The following DCC variants were observed in gnomAD, a reference collection of about 807,000 sequenced individuals.
The protein encoded by DCC is DCC netrin 1 receptor, also known as netrin receptor DCC.
DCC carries 58 observed loss-of-function variants against 172.5 expected under a neutral mutation model. That is an observed-to-expected ratio of 0.34 (90% CI 0.27 to 0.42). DCC has a LOEUF of 0.42. Among genes scored for constraint, DCC ranks in the 10% least tolerant of loss-of-function variants. The pLI is 1.00. For missense variants in DCC, 1,740 were observed against 1,791.0 expected (o/e 0.97, Z 0.51); for synonymous variants, 709 against 644.5 (o/e 1.10, Z -1.52).
chr18:52,517,290 C>T (rs1034503963), intron 1 of DCC, among the ~76,000 whole-genome samples: 14 of 152,238 alleles, frequency 9.2e-5, no homozygotes, highest in South Asian at 4.2e-4. Context: ...TCGATAGCTG[C>T]GGTGGTATTT....
At chr18:52,952,672 T>G (rs1343270493) in intron 5 of DCC, among the ~76,000 whole-genome samples, 2 of 152,174 alleles carry the variant, frequency 1.3e-5, no homozygotes, top group Non-Finnish European at 2.9e-5. Context: ...TCTTTATATG[T>G]TGACAATCAT....
intron 1 of DCC, among the ~76,000 whole-genome samples, chr18:52,348,214 TTATC>T (rs1255511230): frequency 1.3e-5 from 2 of 152,178 alleles, no homozygotes; most frequent in African/African-American, 2.4e-5. Context: ...TAACCATAGT[TTATC>T]TAATCTATTG....
intron 6 of DCC, among the ~76,000 whole-genome samples, chr18:53,064,265 A>G (rs1180521773): frequency 6.6e-6 from 1 of 152,148 alleles, no homozygotes; most frequent in East Asian, 1.9e-4. Flanking sequence ...TCATTTGGAA[A>G]TGCTCTATGA....
At chr18:52,505,666 C>T (rs1449527619) in intron 1 of DCC, among the ~76,000 whole-genome samples, 1 of 152,070 alleles carries the variant, frequency 6.6e-6, no homozygotes, top group Non-Finnish European at 1.5e-5. Context: ...AAGTCCACAC[C>T]ATCTGAGAAT....
chr18:53,075,263 C>T (rs1298942316), intron 7 of DCC, among the ~76,000 whole-genome samples: 4 of 152,148 alleles, frequency 2.6e-5, no homozygotes, highest in African/African-American at 2.4e-5. Context: ...TAATGACTTG[C>T]TCATGCCAGT....
At chr18:53,204,863 T>C (rs2055600446) in intron 9 of DCC, among the ~76,000 whole-genome samples, 1 of 152,176 alleles carries the variant, frequency 6.6e-6, no homozygotes, top group Non-Finnish European at 1.5e-5. Context: ...TTATTAGCCA[T>C]GTGCAGGCAA....
At chr18:52,723,112 C>A (rs956858066) in intron 1 of DCC, among the ~76,000 whole-genome samples, 3 of 152,028 alleles carry the variant, frequency 2.0e-5, no homozygotes, top group African/African-American at 7.2e-5. Flanking sequence ...GCTATCGCTA[C>A]CCCTCCCTCC....
intron 1 of DCC, among the ~76,000 whole-genome samples, chr18:52,497,464 A>G (rs1042127283): frequency 7.7e-6 from 1 of 130,618 alleles, no homozygotes; most frequent in African/African-American, 2.8e-5. Flanking sequence ...GTTTTTTTAA[A>G]AAAGCAGAAC....
chr18:53,379,258 G>A (rs1468006910), intron 15 of DCC, among the ~76,000 whole-genome samples: 2 of 152,262 alleles, frequency 1.3e-5, no homozygotes, highest in African/African-American at 4.8e-5. Flanking sequence ...AACAGAGAGG[G>A]CAAAAGATGC....
At chr18:53,439,436 A>G (rs1912132043) in intron 22 of DCC, among the ~76,000 whole-genome samples, 1 of 152,316 alleles carries the variant, frequency 6.6e-6, no homozygotes. Context: ...GTCTCCCCTT[A>G]GAGTGACAGA....
At chr18:53,041,048 A>G (rs1273503511) in intron 5 of DCC, among the ~76,000 whole-genome samples, 1 of 151,976 alleles carries the variant, frequency 6.6e-6, no homozygotes, top group Non-Finnish European at 1.5e-5. Flanking sequence ...ATTAGATCCC[A>G]TGTATTAATC....
intron 25 of DCC, among the ~76,000 whole-genome samples, chr18:53,468,452 G>A (rs2045654099): frequency 1.3e-5 from 2 of 150,688 alleles, no homozygotes; most frequent in Admixed American, 1.3e-4. Context: ...GCACAATCTT[G>A]GCTCACTGCA....
intron 9 of DCC, among the ~76,000 whole-genome samples, chr18:53,188,659 A>G (rs1440279196): frequency 2.0e-5 from 3 of 152,186 alleles, no homozygotes; most frequent in African/African-American, 7.2e-5. Flanking sequence ...AAAGTGCCAC[A>G]AACTTGGTGT....
intron 2 of DCC, among the ~76,000 whole-genome samples, chr18:52,848,082 AT>A (rs11291428): frequency 0.17 from 22,122 of 127,212 alleles, 1,523 homozygotes; most frequent in East Asian, 0.27. Context: ...GACTTTTCTA[AT>A]TTTTTTTTTT....
intron 25 of DCC, among the ~76,000 whole-genome samples, chr18:53,471,867 T>C (rs914807090): frequency 6.6e-6 from 1 of 152,198 alleles, no homozygotes; most frequent in African/African-American, 2.4e-5. Context: ...TCTTTTTTAA[T>C]GCATTACACT....
intron 21 of DCC, among the ~76,000 whole-genome samples, chr18:53,421,993 T>C (rs1910666874): frequency 6.6e-6 from 1 of 152,186 alleles, no homozygotes; most frequent in Non-Finnish European, 1.5e-5. Context: ...ACACTCACAG[T>C]ATGTAAGTGG....
chr18:53,434,120 T>C lies in DCC; in HGVS notation c.3164-1024T>C, dbSNP rs191438303. Among the ~76,000 whole-genome samples the C allele has an allele frequency of 2.1e-3, 320 of 152,278 alleles. 1 individual carries two copies. The highest frequency in any genetic ancestry group is 5.5e-3 in the African/African-American group (228 of 41,552). On this transcript the variant is annotated intron_variant, in intron 21 of 28. Transcript: ENST00000442544. ...TCACAAAACCAGGACTTGAAAGTTA[T>C]AGAGATGAAGAAAACTGAAATCTCT...
chr18:53,311,096 TTTTATTTCATTTATTTA>T lies in DCC; in HGVS notation c.2053+5385_2053+5401del, dbSNP rs932061544. On this transcript the variant is annotated intron_variant, in intron 13 of 28. Transcript: ENST00000442544. Reference sequence around the variant, plus strand: ...TCTCATCCAAACTGGTTGGGTTTTATTTTATTTCATTTATTTATTTATTTTATTTATTTATTTTTTTT... The same window carrying T: ...TCTCATCCAAACTGGTTGGGTTTTATTTTATTTTATTTATTTATTTTTTTT... 6.7e-5 allele frequency among the ~76,000 whole-genome samples: 10 copies of T among 148,312 alleles called. No homozygotes were observed. In the East Asian group the frequency reaches 1.0e-3, roughly 15 times the overall value.
intron 9 of DCC, among the ~76,000 whole-genome samples, chr18:53,194,364 A>G (rs1436948448): frequency 6.6e-6 from 1 of 152,138 alleles, no homozygotes; most frequent in Non-Finnish European, 1.5e-5. Flanking sequence ...AAAAGGCTCC[A>G]TTTATATCGG....
Sources: gnomAD v4.1 joint callset for allele counts (sites outside exome capture counted in the v4.1 genomes callset) on GRCh38, gnomAD v4.1.1 for gene constraint, MANE v1.5 for transcripts, NCBI Gene and HGNC (gene_info 2026-07-23, HGNC 2026-07-21) for gene names.